The following HRH1 variants were observed in gnomAD, a reference collection of about 807,000 sequenced individuals.
HRH1 encodes the protein histamine receptor H1, also known as histamine H1 receptor.
Under a neutral mutation model 10.3 loss-of-function variants are expected in HRH1, and 6 were observed. The observed-to-expected ratio is 0.58, with a 90% CI of 0.32 to 1.15. The LOEUF (loss-of-function observed/expected upper bound fraction) is 1.15. Ranked by LOEUF, HRH1 falls within the 50% of genes most tolerant of loss-of-function variation. HRH1 has a pLI of 0.05. For synonymous variants in HRH1, 242 were observed against 236.7 expected (o/e 1.02, Z -0.21); for missense variants, 514 against 615.3 (o/e 0.84, Z 1.74).
At chr3:11,188,311 A>G (rs1937482185) in intron 1 of HRH1, among the ~76,000 whole-genome samples, 1 of 152,240 alleles carries the variant, frequency 6.6e-6, no homozygotes, top group Non-Finnish European at 1.5e-5. Context: ...AGGAAGTTAT[A>G]AAGAATCAGG....
chr3:11,219,531 G>A (rs1486206393), intron 1 of HRH1, among the ~76,000 whole-genome samples: 3 of 151,962 alleles, frequency 2.0e-5, no homozygotes, highest in Non-Finnish European at 4.4e-5. Flanking sequence ...GGCCAACATA[G>A]TGAAACCCCC....
chr3:11,236,468 A>G (rs189317477), intron 1 of HRH1, among the ~76,000 whole-genome samples: 5 of 152,214 alleles, frequency 3.3e-5, no homozygotes, highest in African/African-American at 7.2e-5. Context: ...AGGCAGGCAG[A>G]GTTGAGAATT....
intron 1 of HRH1, among the ~76,000 whole-genome samples, chr3:11,155,556 G>C (rs1171069972): frequency 6.6e-6 from 1 of 152,194 alleles, no homozygotes; most frequent in African/African-American, 2.4e-5. Context: ...CCTGGCAGCT[G>C]ATAGTGCAGA....
rs572027634 is a variant in HRH1 at position 11,246,588 on chromosome 3, T to C, written c.-35-12415T>C. 9.8e-5 allele frequency among the ~76,000 whole-genome samples: 15 copies of C among 152,348 alleles called. No homozygotes were observed. In the South Asian group the frequency reaches 3.1e-3, roughly 32 times the overall value. On this transcript the variant is annotated intron_variant, in intron 1 of 1. Coordinates refer to ENST00000431010, the MANE Select transcript of HRH1 (RefSeq NM_001098212.2). ...TCATCTCACTGACGAGAACTATCCATTCAAGCTATTTTTTTATTCATTTCA... is the reference window on the plus strand; with the variant it reads ...TCATCTCACTGACGAGAACTATCCACTCAAGCTATTTTTTTATTCATTTCA...
intron 1 of HRH1, among the ~76,000 whole-genome samples, chr3:11,219,952 T>TG (rs1938649569): frequency 1.9e-5 from 2 of 106,438 alleles, no homozygotes; most frequent in East Asian, 4.5e-4. Context: ...AATGTGTTGT[T>TG]TTTTTTTTTT....
At chr3:11,169,002 G>A in intron 1 of HRH1, among the ~76,000 whole-genome samples, 1 of 152,222 alleles carries the variant, frequency 6.6e-6, no homozygotes, top group East Asian at 1.9e-4. Context: ...TCACACACAG[G>A]CCTGCAGCAA....
intron 1 of HRH1, among the ~76,000 whole-genome samples, chr3:11,161,808 A>G (rs1346335883): frequency 2.0e-5 from 3 of 152,208 alleles, no homozygotes; most frequent in Non-Finnish European, 4.4e-5. Flanking sequence ...CCAAGCCTTG[A>G]AAACCTCCAT....
At chr3:11,144,387 GTGTATATAT>G in intron 1 of HRH1, among the ~76,000 whole-genome samples, 1 of 888 alleles carries the variant, frequency 1.1e-3, no homozygotes, top group Non-Finnish European at 2.0e-3. Context: ...ATGTCTATAT[GTGTATATAT>G]ACATATAGAC....
chr3:11,225,761 C>T (rs927992692), intron 1 of HRH1, among the ~76,000 whole-genome samples: 1 of 152,264 alleles, frequency 6.6e-6, no homozygotes, highest in Non-Finnish European at 1.5e-5. Context: ...TCTCGGCTCA[C>T]TTCAACCTCT....
chr3:11,171,162 G>A (rs958964475), intron 1 of HRH1, among the ~76,000 whole-genome samples: 8 of 149,158 alleles, frequency 5.4e-5, no homozygotes, highest in African/African-American at 2.0e-4. Flanking sequence ...TGTTGCCCAG[G>A]CTGCAGTGCA....
chr3:11,153,571 C>A (rs938511838), upstream of HRH1, among the ~76,000 whole-genome samples: 4 of 150,636 alleles, frequency 2.7e-5, no homozygotes, highest in African/African-American at 9.8e-5. Flanking sequence ...GTGGTCCCTT[C>A]GAAACTGCTG....
chr3:11,227,566 G>A (rs576829006), intron 1 of HRH1, among the ~76,000 whole-genome samples: 5 of 152,056 alleles, frequency 3.3e-5, no homozygotes, highest in Non-Finnish European at 4.4e-5. Context: ...GATTACAGAC[G>A]TGAGCCACCA....
intron 1 of HRH1, among the ~76,000 whole-genome samples, chr3:11,197,646 A>G (rs1448775723): frequency 6.6e-6 from 1 of 152,260 alleles, no homozygotes; most frequent in African/African-American, 2.4e-5. Context: ...ATTTCTGGAA[A>G]GTATGACTTC....
At chr3:11,240,006 A>G (rs1364774093) in intron 1 of HRH1, among the ~76,000 whole-genome samples, 1 of 152,200 alleles carries the variant, frequency 6.6e-6, no homozygotes, top group African/African-American at 2.4e-5. Context: ...TCCAGAAGAG[A>G]GAACTGGGCT....
chr3:11,181,779 C>T (rs1345698217), intron 1 of HRH1, among the ~76,000 whole-genome samples: 1 of 152,016 alleles, frequency 6.6e-6, no homozygotes, highest in African/African-American at 2.4e-5. Flanking sequence ...CTACAGGCGC[C>T]CGCCACTGCG....
At chr3:11,145,188 G>GGGGCCTCCCTT (rs1462401027) in intron 1 of HRH1, among the ~76,000 whole-genome samples, 2 of 152,062 alleles carry the variant, frequency 1.3e-5, no homozygotes, top group Admixed American at 6.5e-5. Context: ...ACAACTCTGC[G>GGGGCCTCCCTT]GGGCCTCCCT....
upstream of HRH1, among the ~76,000 whole-genome samples, chr3:11,151,562 A>G (rs1559252957): frequency 6.6e-6 from 1 of 152,160 alleles, no homozygotes; most frequent in African/African-American, 2.4e-5. Context: ...GAAGTGTTCA[A>G]TCATAGCTCA....
At chr3:11,223,474 G>C (rs1342082972) in intron 1 of HRH1, among the ~76,000 whole-genome samples, 1 of 148,260 alleles carries the variant, frequency 6.7e-6, no homozygotes, top group Non-Finnish European at 1.5e-5. Flanking sequence ...GCTCCAGCCT[G>C]GGCGACAGAG....
intron 1 of HRH1, among the ~76,000 whole-genome samples, chr3:11,232,337 A>G (rs1939065256): frequency 6.6e-6 from 1 of 152,094 alleles, no homozygotes; most frequent in African/African-American, 2.4e-5. Flanking sequence ...TTTTTTGCCT[A>G]TGACGTCCAA....
Sources: gnomAD v4.1 joint callset for allele counts (sites outside exome capture counted in the v4.1 genomes callset) on GRCh38, gnomAD v4.1.1 for gene constraint, MANE v1.5 for transcripts, NCBI Gene and HGNC (gene_info 2026-07-23, HGNC 2026-07-21) for gene names.